CPNE8: variants seen among roughly 807,000 people sequenced by gnomAD.
CPNE8 encodes the protein copine-8.
In CPNE8, 45 loss-of-function variants were observed where a neutral mutation model predicts 81.5. The observed-to-expected ratio is 0.55, with a 90% CI of 0.44 to 0.71. The LOEUF is 0.71. Ranked by LOEUF, CPNE8 falls within the 30% of genes least tolerant of loss-of-function variation. The pLI, the probability that CPNE8 is intolerant of heterozygous loss-of-function variation, is 0.00. For synonymous variants in CPNE8, 252 were observed against 226.3 expected, an observed-to-expected ratio of 1.11 and a Z score of -1.02; for missense variants, 594 against 672.1, an observed-to-expected ratio of 0.88 and a Z score of 1.28.
intron 10 of CPNE8, among the ~76,000 whole-genome samples, chr12:38,748,568 G>A (rs1565596409): frequency 6.6e-6 from 1 of 151,370 alleles, no homozygotes; most frequent in African/African-American, 2.4e-5. Flanking sequence ...TGGCGTGATC[G>A]CAGCTCACTG....
At chr12:38,854,276 A>G (rs1184694445) in intron 3 of CPNE8, among the ~76,000 whole-genome samples, 1 of 151,822 alleles carries the variant, frequency 6.6e-6, no homozygotes, top group Non-Finnish European at 1.5e-5. Context: ...ACTGGCCTCA[A>G]CAGAGACTCC....
At chr12:38,696,640 T>C (rs1466860985) in intron 14 of CPNE8, among the ~76,000 whole-genome samples, 1 of 152,242 alleles carries the variant, frequency 6.6e-6, no homozygotes, top group African/African-American at 2.4e-5. Flanking sequence ...AAATTATATC[T>C]GATTTTGCTT....
chr12:38,884,332 A>G (rs753274891), intron 1 of CPNE8, among the ~76,000 whole-genome samples: 1 of 152,172 alleles, frequency 6.6e-6, no homozygotes, highest in Non-Finnish European at 1.5e-5. Flanking sequence ...TTTCAAGTAC[A>G]TGATGTTTTG....
chr12:38,744,148 G>A (rs1941172820), intron 10 of CPNE8, among the ~76,000 whole-genome samples: 1 of 152,146 alleles, frequency 6.6e-6, no homozygotes, highest in South Asian at 2.1e-4. Flanking sequence ...TCACATAAAG[G>A]GAACCAGAGT....
intron 3 of CPNE8, among the ~76,000 whole-genome samples, chr12:38,860,533 G>A: frequency 6.7e-6 from 1 of 149,112 alleles, no homozygotes; most frequent in East Asian, 2.0e-4. Context: ...TTATCATGTG[G>A]TCCAGCAATC....
chr12:38,833,278 G>A (rs1943320871), intron 5 of CPNE8, among the ~76,000 whole-genome samples: 1 of 150,320 alleles, frequency 6.7e-6, no homozygotes, highest in Admixed American at 6.6e-5. Context: ...GCTTGATCCC[G>A]GAGGCAGAGG....
intron 6 of CPNE8, among the ~76,000 whole-genome samples, chr12:38,793,255 A>G (rs1942371781): frequency 7.0e-6 from 1 of 142,562 alleles, no homozygotes; most frequent in Non-Finnish European, 1.5e-5. Flanking sequence ...AAAGTCATCA[A>G]AATTGAAAAT....
intron 3 of CPNE8, among the ~76,000 whole-genome samples, chr12:38,854,615 A>G (rs1311600300): frequency 6.6e-6 from 1 of 152,060 alleles, no homozygotes; most frequent in Non-Finnish European, 1.5e-5. Flanking sequence ...ATGGTTCAAC[A>G]TACACAACTC....
At chr12:38,671,360 TATACTGATTGG>T (rs898281152) in intron 18 of CPNE8, among the ~76,000 whole-genome samples, 5 of 152,144 alleles carry the variant, frequency 3.3e-5, no homozygotes, top group African/African-American at 1.2e-4. Flanking sequence ...TCTCTGCTCT[TATACTGATTGG>T]ATAAAGTATG....
chr12:38,734,084 TA>T, intron 10 of CPNE8, among the ~76,000 whole-genome samples: 1 of 151,988 alleles, frequency 6.6e-6, no homozygotes, highest in Non-Finnish European at 1.5e-5. Context: ...TCACAGTTCC[TA>T]TATTATATTA....
At chr12:38,867,331 TGTGTGTGTGAGAGA>T (rs1229960674) in intron 3 of CPNE8, among the ~76,000 whole-genome samples, 5 of 143,812 alleles carry the variant, frequency 3.5e-5, no homozygotes, top group African/African-American at 1.4e-4. Context: ...TGTGTGTGTG[TGTGTGTGTGAGAGA>T]GAGAGAGAGA....
chr12:38,895,378 T>C (rs1015107330), intron 1 of CPNE8, among the ~76,000 whole-genome samples: 2 of 152,060 alleles, frequency 1.3e-5, no homozygotes, highest in African/African-American at 2.4e-5. Flanking sequence ...ACTGGTAAAT[T>C]TGAATGTCAC....
intron 3 of CPNE8, among the ~76,000 whole-genome samples, chr12:38,864,526 T>C (rs1943888520): frequency 6.6e-6 from 1 of 152,174 alleles, no homozygotes; most frequent in Non-Finnish European, 1.5e-5. Context: ...AGTATGGTAT[T>C]ACACAATAGA....
At chr12:38,826,237 A>T (rs1943189190) in intron 6 of CPNE8, among the ~76,000 whole-genome samples, 1 of 152,196 alleles carries the variant, frequency 6.6e-6, no homozygotes, top group South Asian at 2.1e-4. Flanking sequence ...GTCCAAGGAG[A>T]TGAAGGGCTG....
intron 6 of CPNE8, among the ~76,000 whole-genome samples, chr12:38,825,812 C>T (rs1289016263): frequency 6.6e-6 from 1 of 152,222 alleles, no homozygotes; most frequent in Non-Finnish European, 1.5e-5. Context: ...TGCGTTGGAA[C>T]ATCTGATCCA....
chr12:38,780,081 T>C lies in CPNE8; in HGVS notation c.408-3780A>G, dbSNP rs1296911440. Among the ~76,000 whole-genome samples the C allele has an allele frequency of 2.6e-5, 4 of 152,058 alleles. No homozygotes were observed. The East Asian group carries it at 7.7e-4, about 29-fold the overall frequency. Reference sequence around the variant, plus strand: ...AGGTCTTTTACCCATTTTGAGCTGATTTCTGTGTATGGTGTAAAGTAAGGG... The same window carrying C: ...AGGTCTTTTACCCATTTTGAGCTGACTTCTGTGTATGGTGTAAAGTAAGGG... On this transcript the variant is annotated intron_variant, in intron 6 of 19. Coordinates refer to ENST00000331366, the MANE Select transcript of CPNE8 (RefSeq NM_153634.3).
At chr12:38,797,777 T>C (rs1942531749) in intron 6 of CPNE8, among the ~76,000 whole-genome samples, 1 of 152,034 alleles carries the variant, frequency 6.6e-6, no homozygotes, top group Non-Finnish European at 1.5e-5. Context: ...TTTGAACCAA[T>C]GGCAAAGAAG....
chr12:38,655,159 A>G (rs1591991223), intron 19 of CPNE8, among the ~76,000 whole-genome samples: 1 of 152,306 alleles, frequency 6.6e-6, no homozygotes, highest in East Asian at 1.9e-4. Context: ...GTGGTTTTTC[A>G]ATGGCAAAAA....
chr12:38,753,800 T>C (rs957339285), intron 10 of CPNE8, among the ~76,000 whole-genome samples: 4 of 152,156 alleles, frequency 2.6e-5, no homozygotes, highest in African/African-American at 4.8e-5. Flanking sequence ...TTGTTCTATA[T>C]TATTATTATT....
Sources: allele counts gnomAD v4.1 joint callset (sites outside exome capture counted in the v4.1 genomes callset), GRCh38; gene constraint gnomAD v4.1.1; transcripts MANE v1.5; gene names NCBI Gene and HGNC (gene_info 2026-07-23, HGNC 2026-07-21).